Variants in SP6 observed in about 807,000 individuals in gnomAD.
SP6 encodes transcription factor Sp6.
A neutral mutation model predicts 23.4 loss-of-function variants in SP6; 10 were observed. The observed-to-expected ratio is 0.43, with a 90% CI of 0.26 to 0.72. The LOEUF (loss-of-function observed/expected upper bound fraction) is 0.72. Among genes scored for constraint, SP6 ranks in the 30% least tolerant of loss-of-function variants. SP6 has a pLI of 0.23. For missense variants in SP6, 482 were observed against 523.8 expected (o/e 0.92, Z 0.78); for synonymous variants, 238 against 238.7 (o/e 1.00, Z 0.03).
At chr17:47,853,246 C>A (rs958986688), upstream of SP6, among the ~76,000 whole-genome samples, 1 of 152,240 alleles carries the variant, frequency 6.6e-6, no homozygotes, top group African/African-American at 2.4e-5. Flanking sequence ...TGTGGATTCA[C>A]AGGAACTGCT....
upstream of SP6, among the ~76,000 whole-genome samples, chr17:47,854,255 G>A (rs1338641958): frequency 6.6e-6 from 1 of 152,152 alleles, no homozygotes; most frequent in African/African-American, 2.4e-5. Context: ...ATCACAAACG[G>A]CATTTATTTA....
At chr17:47,853,960 C>T (rs1336350074), upstream of SP6, among the ~76,000 whole-genome samples, 1 of 152,164 alleles carries the variant, frequency 6.6e-6, no homozygotes, top group Non-Finnish European at 1.5e-5. Flanking sequence ...AATGACGGCG[C>T]ATGGTCTGAT....
the SP6 span, among the ~76,000 whole-genome samples, chr17:47,861,900 G>A: frequency 6.6e-6 from 1 of 151,626 alleles, no homozygotes. Context: ...ACAAAAATTA[G>A]TTGGGCATGG....
chr17:47,868,027 C>A, the SP6 span, among the ~76,000 whole-genome samples: 2 of 152,154 alleles, frequency 1.3e-5, no homozygotes, highest in Non-Finnish European at 2.9e-5. Context: ...CATGCACACA[C>A]GCCCTCACTC....
chr17:47,853,499 T>TAC (rs1365462143), upstream of SP6, among the ~76,000 whole-genome samples: 2 of 152,198 alleles, frequency 1.3e-5, no homozygotes, highest in African/African-American at 4.8e-5. Flanking sequence ...GTGCTGCATC[T>TAC]ACTGTTCCTA....
upstream of SP6, among the ~76,000 whole-genome samples, chr17:47,857,414 T>G (rs918819189): frequency 3.3e-5 from 5 of 152,216 alleles, no homozygotes; most frequent in Non-Finnish European, 7.3e-5. Flanking sequence ...TTTGCATAAA[T>G]TATAAGGTGA....
chr17:47,854,194 TA>T (rs2033982136), upstream of SP6, among the ~76,000 whole-genome samples: 1 of 152,236 alleles, frequency 6.6e-6, no homozygotes, highest in African/African-American at 2.4e-5. Flanking sequence ...GCTTCATCTA[TA>T]GTCAGTGATC....
the SP6 span, among the ~76,000 whole-genome samples, chr17:47,863,591 A>G: frequency 9.8e-6 from 1 of 101,834 alleles, no homozygotes; most frequent in African/African-American, 3.1e-5. Flanking sequence ...TTTTTGAGAC[A>G]GAGTTTCTCT....
upstream of SP6, among the ~76,000 whole-genome samples, chr17:47,858,005 C>G (rs2143665032): frequency 6.6e-6 from 1 of 152,190 alleles, no homozygotes; most frequent in African/African-American, 2.4e-5. Context: ...CTGCCTGCAC[C>G]TTCCAGGTGG....
At chr17:47,857,736 T>C (rs928510247), upstream of SP6, among the ~76,000 whole-genome samples, 1 of 151,942 alleles carries the variant, frequency 6.6e-6, no homozygotes, top group African/African-American at 2.4e-5. Flanking sequence ...GGGAAAGCTA[T>C]GGGTGGGTGC....
At chr17:47,860,775 T>G (rs184615202), upstream of SP6, among the ~76,000 whole-genome samples, 2 of 151,000 alleles carry the variant, frequency 1.3e-5, no homozygotes, top group Non-Finnish European at 3.0e-5. Flanking sequence ...TCACTGAGAG[T>G]TGGCCTCATG....
chr17:47,850,168 G>C (rs1381419166), intron 1 of SP6, among the ~76,000 whole-genome samples: 1 of 152,188 alleles, frequency 6.6e-6, no homozygotes, highest in African/African-American at 2.4e-5. Context: ...ACTGCCCCAG[G>C]GGCTGGAGGA....
chr17:47,876,188 A>C, the SP6 span, among the ~76,000 whole-genome samples: 7 of 152,320 alleles, frequency 4.6e-5, no homozygotes, highest in Non-Finnish European at 8.8e-5. Flanking sequence ...GAAGAAGAGA[A>C]GAAGACCTGG....
the SP6 span, among the ~76,000 whole-genome samples, chr17:47,862,734 G>C: frequency 2.0e-5 from 3 of 152,182 alleles, no homozygotes; most frequent in African/African-American, 7.2e-5. Context: ...CTATGAACCT[G>C]GGACAACTAG....
At chr17:47,857,881 C>G (rs928048928), upstream of SP6, among the ~76,000 whole-genome samples, 1 of 152,082 alleles carries the variant, frequency 6.6e-6, no homozygotes, top group Non-Finnish European at 1.5e-5. Context: ...TCAAGCCCCT[C>G]TCTCTTGATC....
upstream of SP6, among the ~76,000 whole-genome samples, chr17:47,859,114 T>C (rs1029572878): frequency 2.6e-5 from 4 of 152,050 alleles, no homozygotes; most frequent in East Asian, 7.7e-4. Flanking sequence ...GCACTTCCCA[T>C]CTCCAACACA....
upstream of SP6, among the ~76,000 whole-genome samples, chr17:47,854,680 A>G (rs1382300132): frequency 1.3e-5 from 2 of 152,224 alleles, no homozygotes; most frequent in Non-Finnish European, 2.9e-5. Context: ...CCAAACTTCA[A>G]CTGTCCTGTA....
At chr17:47,849,559 A>G (rs2033934275) in intron 1 of SP6, among the ~76,000 whole-genome samples, 1 of 152,228 alleles carries the variant, frequency 6.6e-6, no homozygotes, top group Admixed American at 6.5e-5. Context: ...GCAAATGTTG[A>G]GAACCACTGC....
chr17:47,848,322 C>T lies in SP6; in HGVS notation c.108G>A (p.Thr36=), dbSNP rs779561205. ...AGGGGTAGTCCCCGGCCTCAGGGCTCGTGTGGCCCTGGTAAGTTTGGAGAG... is the reference window on the plus strand; with the variant it reads ...AGGGGTAGTCCCCGGCCTCAGGGCTTGTGTGGCCCTGGTAAGTTTGGAGAG... The part of the protein sequence containing the change: ...LQPLQTYQGH[T]SPEAGDYPSP... The change falls in exon 2 of 2, where the codon ACG becomes ACA. Residue 36 remains threonine, a synonymous_variant. Transcript: ENST00000536300. This position sits in a 1 kb window ranked among gnomAD's most constrained non-coding sequence, Gnocchi z 5.3. 5.0e-6 allele frequency: 8 copies of T among 1,610,256 alleles called. No individual in the cohort carries two copies. The Admixed American group carries it at 1.2e-4, about 24-fold the overall frequency.
Sources: gnomAD v4.1 joint callset for allele counts (sites outside exome capture counted in the v4.1 genomes callset) on GRCh38, gnomAD v4.1.1 for gene constraint, Gnocchi (gnomAD v3.1) non-coding constraint, MANE v1.5 for transcripts, NCBI Gene and HGNC (gene_info 2026-07-23, HGNC 2026-07-21) for gene names.